Variants in SLC6A6 observed in about 807,000 individuals in gnomAD.
SLC6A6 encodes the protein solute carrier family 6 member 6, also known as sodium- and chloride-dependent taurine transporter.
A neutral mutation model predicts 68.8 loss-of-function variants in SLC6A6; 16 were observed. The observed-to-expected ratio is 0.23, with a 90% confidence interval of 0.16 to 0.35. The LOEUF is 0.35. Ranked by LOEUF, SLC6A6 falls within the 10% of genes least tolerant of loss-of-function variation. SLC6A6 has a pLI of 1.00. For synonymous variants in SLC6A6, 312 were observed against 315.4 expected (o/e 0.99, Z 0.12); for missense variants, 474 against 802.8 (o/e 0.59, Z 4.95).
At chr3:14,418,158 G>A (rs1219084814) in intron 2 of SLC6A6, among the ~76,000 whole-genome samples, 1 of 152,160 alleles carries the variant, frequency 6.6e-6, no homozygotes, top group Non-Finnish European at 1.5e-5. Context: ...TAGTAAAAAA[G>A]ATGGCCTTGA....
intron 2 of SLC6A6, among the ~76,000 whole-genome samples, chr3:14,438,487 C>T (rs1310827336): frequency 6.6e-6 from 1 of 152,136 alleles, no homozygotes; most frequent in Non-Finnish European, 1.5e-5. Context: ...GCAAGGGGTC[C>T]AGCCAGGCAC....
At chr3:14,452,205 G>A (rs554241704) in intron 5 of SLC6A6, among the ~76,000 whole-genome samples, 27 of 152,280 alleles carry the variant, frequency 1.8e-4, no homozygotes, top group African/African-American at 5.5e-4. Flanking sequence ...CCTTGTGGGG[G>A]GAGACAAAGC....
rs1250505494 is a variant in SLC6A6 at position 14,468,425 on chromosome 3, T to C, written c.1096+213T>C. Reference sequence around the variant, plus strand: ...TGTATTGCAATTTGGCCCTGATGGGTGGCAAAAGCATGGGGGGTGGTTAAG... The same window carrying C: ...TGTATTGCAATTTGGCCCTGATGGGCGGCAAAAGCATGGGGGGTGGTTAAG... On this transcript the variant is annotated intron_variant, in intron 9 of 14. Transcript: ENST00000622186. The surrounding 1 kb of genome is among the most constrained non-coding windows in gnomAD (Gnocchi z 4.5). Among the ~76,000 whole-genome samples the C allele has an allele frequency of 1.4e-5, 2 of 139,808 alleles. No individual in the cohort carries two copies. Among genetic ancestry groups the C allele is most frequent in the Admixed American group, 7.4e-5 (1 of 13,598 alleles). 91.7% of individuals were successfully genotyped at this position (139,808 alleles called of 152,430 possible). A position where few individuals can be genotyped will look rare whatever the true frequency, so the allele number is the denominator to read the frequency against.
intron 6 of SLC6A6, 84 bp from the exon 7 acceptor site, chr3:14,466,432 C>T: frequency 1.4e-6 from 2 of 1,463,824 alleles, no homozygotes; most frequent in South Asian, 1.3e-5. Context: ...GACCAGTGCT[C>T]CCCTCTGCCT....
intron 2 of SLC6A6, among the ~76,000 whole-genome samples, chr3:14,422,830 G>A (rs1467918620): frequency 6.6e-6 from 1 of 152,222 alleles, no homozygotes; most frequent in Non-Finnish European, 1.5e-5. Context: ...TCACAAGGAG[G>A]GGGCTAGGTT....
intron 1 of SLC6A6, among the ~76,000 whole-genome samples, chr3:14,415,904 C>G (rs1346366379): frequency 1.3e-5 from 2 of 152,172 alleles, no homozygotes; most frequent in African/African-American, 2.4e-5. Context: ...TGGGAATAGT[C>G]AGGCTATGTG....
intron 2 of SLC6A6, among the ~76,000 whole-genome samples, chr3:14,433,805 A>AG (rs1699788001): frequency 1.2e-5 from 1 of 86,752 alleles, no homozygotes; most frequent in African/African-American, 5.2e-5. Flanking sequence ...TCTGTCTCAA[A>AG]AAAAAAAAAA....
rs137895833 is a variant in SLC6A6 at position 14,464,979 on chromosome 3, G to A, written c.733-1537G>A. 2.3e-4 allele frequency among the ~76,000 whole-genome samples: 35 copies of A among 152,226 alleles called. No homozygotes were observed. The East Asian group carries it at 6.0e-3, about 26-fold the overall frequency. ...GCTCTGGGTTCAAATCCTGGATTCC[G>A]TTGATGCCCTGGGCACGTCCTTAAA... On this transcript the variant is annotated intron_variant, in intron 6 of 14. Transcript: ENST00000622186.
intron 2 of SLC6A6, among the ~76,000 whole-genome samples, chr3:14,418,480 G>C (rs55690701): frequency 6.6e-6 from 1 of 152,106 alleles, no homozygotes; most frequent in East Asian, 1.9e-4. Flanking sequence ...CATCGGGCAG[G>C]GGTGTGTACC....
chr3:14,483,497 TC>T (rs926244919), intron 14 of SLC6A6, among the ~76,000 whole-genome samples: 3 of 152,082 alleles, frequency 2.0e-5, no homozygotes, highest in African/African-American at 7.2e-5. Context: ...TTGACTCTCC[TC>T]CGCCCTCCCA....
chr3:14,478,812 C>G (rs1700942198), intron 12 of SLC6A6: 2 of 592,260 alleles, frequency 3.4e-6, no homozygotes. Flanking sequence ...CTGGAATACT[C>G]CTTTTTTATC....
chr3:14,449,062 C>T (rs1010296019), intron 5 of SLC6A6, among the ~76,000 whole-genome samples: 2 of 152,240 alleles, frequency 1.3e-5, no homozygotes, highest in African/African-American at 4.8e-5. Context: ...AAGGTGTTTA[C>T]CCACCTCTTA....
intron 1 of SLC6A6, among the ~76,000 whole-genome samples, chr3:14,408,018 G>T (rs75817300): frequency 1.3e-5 from 2 of 151,876 alleles, no homozygotes; most frequent in Non-Finnish European, 2.9e-5. Context: ...CATCCATGCT[G>T]TTGATGGACA....
At chr3:14,460,882 G>A (rs1700479277) in intron 6 of SLC6A6, among the ~76,000 whole-genome samples, 1 of 152,214 alleles carries the variant, frequency 6.6e-6, no homozygotes, top group Non-Finnish European at 1.5e-5. Context: ...CCTGCTCGCT[G>A]GCCATGGCTT....
chr3:14,411,938 T>G (rs1199359337), intron 1 of SLC6A6, among the ~76,000 whole-genome samples: 11 of 152,206 alleles, frequency 7.2e-5, no homozygotes, highest in Non-Finnish European at 1.6e-4. Flanking sequence ...AATGCCCTTT[T>G]AAAATCAAAG....
chr3:14,442,119 G>T (rs963636145), intron 2 of SLC6A6, among the ~76,000 whole-genome samples: 1 of 152,230 alleles, frequency 6.6e-6, no homozygotes, highest in Non-Finnish European at 1.5e-5. Flanking sequence ...TGTGACAAGG[G>T]TCACGTGACA....
intron 2 of SLC6A6, among the ~76,000 whole-genome samples, chr3:14,421,951 C>G (rs530591926): frequency 6.6e-6 from 1 of 152,136 alleles, no homozygotes; most frequent in Non-Finnish European, 1.5e-5. Context: ...TGCATCTTCT[C>G]GTCTCGGCTC....
chr3:14,404,370 G>A (rs1029307143), intron 1 of SLC6A6, among the ~76,000 whole-genome samples: 1 of 152,126 alleles, frequency 6.6e-6, no homozygotes, highest in African/African-American at 2.4e-5. Context: ...TCATCAAGAT[G>A]GTGTTGGAGA....
At chr3:14,404,178 C>A (rs1175350656) in intron 1 of SLC6A6, among the ~76,000 whole-genome samples, 1 of 152,190 alleles carries the variant, frequency 6.6e-6, no homozygotes, top group African/African-American at 2.4e-5. Flanking sequence ...TTTAAAATTT[C>A]TTTTTAATTT....
Sources: gnomAD v4.1 joint callset for allele counts (sites outside exome capture counted in the v4.1 genomes callset) on GRCh38, gnomAD v4.1.1 for gene constraint, Gnocchi (gnomAD v3.1) non-coding constraint, MANE v1.5 for transcripts, NCBI Gene and HGNC (gene_info 2026-07-23, HGNC 2026-07-21) for gene names.